CPVL: variants seen among roughly 807,000 people sequenced by gnomAD.
CPVL encodes probable serine carboxypeptidase CPVL.
A neutral mutation model predicts 63.7 loss-of-function variants in CPVL; 51 were observed. That is an observed-to-expected ratio of 0.80 (90% CI 0.64 to 1.01). The LOEUF (loss-of-function observed/expected upper bound fraction) is 1.01, where lower values mean the gene tolerates loss of function less well. Among genes scored for constraint, CPVL ranks in the 50% least tolerant of loss-of-function variants. CPVL has a pLI of 0.00. For synonymous variants in CPVL, 195 were observed against 206.0 expected, an observed-to-expected ratio of 0.95 and a Z score of 0.46; for missense variants, 530 against 573.1, an observed-to-expected ratio of 0.92 and a Z score of 0.77.
chr7:29,052,048 G>T (rs1260863863), intron 11 of CPVL, among the ~76,000 whole-genome samples: 1 of 151,864 alleles, frequency 6.6e-6, no homozygotes, highest in Non-Finnish European at 1.5e-5. Flanking sequence ...AGTAACTCAG[G>T]AACGGAAAAT....
chr7:29,046,909 C>T (rs568528852), intron 11 of CPVL, among the ~76,000 whole-genome samples: 6 of 151,980 alleles, frequency 3.9e-5, no homozygotes, highest in East Asian at 1.9e-4. Context: ...AGAGTGCATT[C>T]GCATTTTTTT....
chr7:29,095,005 A>C, intron 5 of CPVL, 79 bp downstream of exon 5: 1 of 978,432 alleles, frequency 1.0e-6, no homozygotes, highest in Non-Finnish European at 1.6e-6. Context: ...TCTATTTTTT[A>C]AATGTACTTA....
chr7:29,040,075 C>A (rs7784993), intron 11 of CPVL, among the ~76,000 whole-genome samples: 16,436 of 150,160 alleles, frequency 0.11, 2,718 homozygotes, highest in African/African-American at 0.36. Flanking sequence ...TTCACTAATC[C>A]AAAAAAAAAA....
At chr7:29,056,337 C>T (rs368822014) in intron 11 of CPVL, among the ~76,000 whole-genome samples, 60 of 152,280 alleles carry the variant, frequency 3.9e-4, no homozygotes, top group African/African-American at 1.3e-3. Flanking sequence ...CCTCTGTGCT[C>T]TGCCTATTGA....
At chr7:29,149,881 A>G (rs1434529919), upstream of CPVL, among the ~76,000 whole-genome samples, 1 of 152,120 alleles carries the variant, frequency 6.6e-6, no homozygotes, top group Non-Finnish European at 1.5e-5. Context: ...GAGGACACCA[A>G]TGACATTGGA....
intron 12 of CPVL, among the ~76,000 whole-genome samples, chr7:29,014,169 G>A (rs1786149766): frequency 6.6e-6 from 1 of 152,186 alleles, no homozygotes; most frequent in Non-Finnish European, 1.5e-5. Context: ...TCTGCCCACA[G>A]TCAGATTTCC....
At chr7:29,070,489 C>A (rs1229423608) in intron 9 of CPVL, among the ~76,000 whole-genome samples, 6 of 152,208 alleles carry the variant, frequency 3.9e-5, no homozygotes, top group Non-Finnish European at 7.3e-5. Context: ...TTCACTCCTT[C>A]GTCCCCTCTG....
At chr7:29,051,889 T>TATATAA (rs981201337) in intron 11 of CPVL, among the ~76,000 whole-genome samples, 1 of 149,818 alleles carries the variant, frequency 6.7e-6, no homozygotes, top group East Asian at 1.9e-4. Flanking sequence ...AACTGTGGTA[T>TATATAA]ATATAAATAT....
At chr7:29,050,336 AGTAG>A (rs1005187106) in intron 11 of CPVL, among the ~76,000 whole-genome samples, 4 of 152,136 alleles carry the variant, frequency 2.6e-5, no homozygotes, top group Middle Eastern at 3.2e-3. Flanking sequence ...TACACAAATC[AGTAG>A]CTCTTCTATA....
chr7:29,017,197 G>A (rs546246131), intron 12 of CPVL, among the ~76,000 whole-genome samples: 1 of 152,230 alleles, frequency 6.6e-6, no homozygotes, highest in Non-Finnish European at 1.5e-5. Flanking sequence ...TCTTATCCAT[G>A]ACACTGCCCA....
At chr7:29,019,635 A>G (rs1443531654) in intron 12 of CPVL, among the ~76,000 whole-genome samples, 1 of 152,218 alleles carries the variant, frequency 6.6e-6, no homozygotes, top group African/African-American at 2.4e-5. Context: ...ACACATACCC[A>G]TGCTTCTGTT....
intron 1 of CPVL, among the ~76,000 whole-genome samples, chr7:29,188,574 C>T (rs746857417): frequency 2.0e-5 from 3 of 151,410 alleles, no homozygotes; most frequent in Admixed American, 6.6e-5. Flanking sequence ...TGTTATTGAA[C>T]GTATAGCTGC....
intron 5 of CPVL, 69 bp downstream of exon 5, chr7:29,095,015 A>T: frequency 1.8e-6 from 2 of 1,129,754 alleles, no homozygotes; most frequent in Non-Finnish European, 2.6e-6. Context: ...AAATGTACTT[A>T]ATAAAAAGGA....
intron 11 of CPVL, among the ~76,000 whole-genome samples, chr7:29,062,968 T>C (rs1333976062): frequency 2.0e-5 from 3 of 151,646 alleles, no homozygotes; most frequent in Non-Finnish European, 4.4e-5. Context: ...TCCTTCGGAG[T>C]TGCCCTAGAG....
At chr7:29,163,121 AATT>A (rs1795414975) in intron 5 of CPVL, among the ~76,000 whole-genome samples, 1 of 152,184 alleles carries the variant, frequency 6.6e-6, no homozygotes, top group African/African-American at 2.4e-5. Flanking sequence ...ATGAGTCTGT[AATT>A]ATTTCAAAAT....
chr7:29,051,399 G>A (rs1195422783), intron 11 of CPVL, among the ~76,000 whole-genome samples: 1 of 152,092 alleles, frequency 6.6e-6, no homozygotes, highest in African/African-American at 2.4e-5. Flanking sequence ...AAATCAGTAA[G>A]TAAAAAACAA....
chr7:29,085,551 C>G (rs894205341), intron 7 of CPVL, among the ~76,000 whole-genome samples: 3 of 152,194 alleles, frequency 2.0e-5, no homozygotes, highest in Non-Finnish European at 2.9e-5. Context: ...AGTGTAATAA[C>G]TGATTCAGAC....
At chr7:29,184,340 C>T (rs2128746702) in intron 4 of CPVL, 1 of 151,518 alleles carries the variant, frequency 6.6e-6, no homozygotes, top group South Asian at 2.1e-4. Flanking sequence ...CTATGTATCT[C>T]ATATATATAT....
Position 29,194,871 on chromosome 7 carries a change from G to T in CPVL, c.-448+206C>A, listed in dbSNP as rs946103323. On this transcript the variant is annotated intron_variant, in intron 1 of 16. Transcript: ENST00000409850. Reference sequence around the variant, plus strand: ...CTGGGGGCCGCGGAGGCTGCGAGCGGCCGGGCGAGGGCAGCGGCGGCGGCG... The same window carrying T: ...CTGGGGGCCGCGGAGGCTGCGAGCGTCCGGGCGAGGGCAGCGGCGGCGGCG... 66 of 1,330,624 alleles carry T rather than the reference G, an allele frequency of 5.0e-5. No individual in the cohort carries two copies. The African/African-American group carries it at 9.5e-4, about 19-fold the overall frequency. The allele number at this position is 1,330,624 out of a possible 1,614,324, so 82.4% of individuals were successfully genotyped here. A position where few individuals can be genotyped will look rare whatever the true frequency, so the allele number is the denominator to read the frequency against.
Sources: gnomAD v4.1 joint callset for allele counts (sites outside exome capture counted in the v4.1 genomes callset) on GRCh38, gnomAD v4.1.1 for gene constraint, MANE v1.5 for transcripts, NCBI Gene and HGNC (gene_info 2026-07-23, HGNC 2026-07-21) for gene names.